LARP1: variants seen among roughly 807,000 people sequenced by gnomAD.
LARP1 encodes la-related protein 1.
LARP1 carries 36 observed loss-of-function variants against 122.7 expected under a neutral mutation model. The ratio of observed to expected loss-of-function variants is 0.29; its 90% CI spans 0.22 to 0.39. The LOEUF (loss-of-function observed/expected upper bound fraction) is 0.39. Among genes scored for constraint, LARP1 ranks in the 10% least tolerant of loss-of-function variants. LARP1 has a pLI of 1.00. For synonymous variants in LARP1, 539 were observed against 528.7 expected (o/e 1.02, Z -0.27); for missense variants, 1,040 against 1,403.6 (o/e 0.74, Z 4.14).
intron 1 of LARP1, among the ~76,000 whole-genome samples, chr5:154,763,236 A>G (rs763210959): frequency 2.2e-4 from 34 of 151,252 alleles, no homozygotes; most frequent in Middle Eastern, 3.4e-3. Flanking sequence ...AATTTTTTGT[A>G]TTTTTACTAG....
intron 1 of LARP1, among the ~76,000 whole-genome samples, chr5:154,688,745 G>C (rs1256400732): frequency 1.3e-5 from 2 of 151,332 alleles, no homozygotes; most frequent in African/African-American, 4.9e-5. Flanking sequence ...AGGATCTCTT[G>C]AGTCTGGAAG....
chr5:154,812,505 G>GCCCC (rs36105801), intron 18 of LARP1, among the ~76,000 whole-genome samples: 67 of 58,936 alleles, frequency 1.1e-3, no homozygotes, highest in African/African-American at 2.1e-3. Flanking sequence ...GGAAGTAAAA[G>GCCCC]CCCCCCCCCC....
At chr5:154,796,475 G>A (rs1408897577) in intron 8 of LARP1, among the ~76,000 whole-genome samples, 9 of 151,862 alleles carry the variant, frequency 5.9e-5, no homozygotes. Flanking sequence ...TTTCCACAGG[G>A]CACAGGGATG....
intron 1 of LARP1, chr5:154,685,899 C>G: frequency 2.0e-6 from 1 of 489,618 alleles, no homozygotes; most frequent in Non-Finnish European, 4.0e-6. Context: ...AGTGGGAGCC[C>G]TACTGCTAAT....
At chr5:154,795,039 G>T (rs1757637332) in intron 7 of LARP1, 136 bp from the exon 8 acceptor site, 2 of 797,622 alleles carry the variant, frequency 2.5e-6, no homozygotes, top group African/African-American at 1.7e-5. Flanking sequence ...CCTCAACACT[G>T]TTGGTATATA....
At chr5:154,693,811 G>C (rs57658062) in intron 1 of LARP1, among the ~76,000 whole-genome samples, 2 of 150,332 alleles carry the variant, frequency 1.3e-5, no homozygotes, top group African/African-American at 2.5e-5. Flanking sequence ...AGCCGAGATC[G>C]CGCCACTGCA....
intron 1 of LARP1, among the ~76,000 whole-genome samples, chr5:154,764,613 A>AC (rs953526077): frequency 5.4e-5 from 8 of 149,260 alleles, no homozygotes; most frequent in Non-Finnish European, 7.4e-5. Context: ...AAAAAAAAAA[A>AC]AAAAAAACTG....
intron 17 of LARP1, 31 bp from the exon 18 acceptor site, chr5:154,811,482 C>T (rs1402467763): frequency 1.2e-6 from 2 of 1,614,068 alleles, no homozygotes; most frequent in Admixed American, 1.7e-5. Flanking sequence ...TTATCCTCAC[C>T]AGCTCAGCTT....
intron 1 of LARP1, among the ~76,000 whole-genome samples, chr5:154,738,554 C>T (rs370999887): frequency 1.3e-5 from 2 of 151,812 alleles, no homozygotes; most frequent in South Asian, 2.1e-4. Context: ...ATCGGGCCAC[C>T]GCACTCCAGA....
At position 154,793,875 on chromosome 5, in the gene LARP1, C is replaced by T; in HGVS notation, c.944C>T (p.Ala315Val). 6.2e-7 allele frequency: 1 copy of T among 1,614,172 alleles called. No homozygotes were observed. Among genetic ancestry groups the T allele is most frequent in the Non-Finnish European group, 8.5e-7 (1 of 1,180,024 alleles). The change falls in exon 6 of 19, where the codon GCC (alanine) becomes GTC (valine). Residue 315 changes from alanine (A) to valine (V), a missense_variant. Ala to Val is a moderately conservative substitution (Grantham distance 64, BLOSUM62 0). This residue lies in a region of LARP1 where 178 missense variants were observed against 178.3 expected (regional missense o/e 1.00). Transcript: ENST00000518297. ...AWQPEIKPEP[A>V]WHDQDETSSV... is the part of the protein sequence containing the mutation. ...CAACCAGAGATCAAACCGGAGCCTG[C>T]CTGGCACGACCAGGATGAGACATCG...
At chr5:154,755,017 C>G (rs947860161), upstream of LARP1, among the ~76,000 whole-genome samples, 3 of 152,136 alleles carry the variant, frequency 2.0e-5, no homozygotes, top group Non-Finnish European at 4.4e-5. Context: ...CGCGCTGGCC[C>G]TTTAAGATAC....
At chr5:154,785,317 C>A (rs1756795378) in intron 1 of LARP1, among the ~76,000 whole-genome samples, 1 of 152,230 alleles carries the variant, frequency 6.6e-6, no homozygotes. Context: ...CAATTAATCA[C>A]CCCAAGAGTT....
At chr5:154,692,655 C>T (rs1487240273) in intron 1 of LARP1, among the ~76,000 whole-genome samples, 11 of 152,176 alleles carry the variant, frequency 7.2e-5, no homozygotes, top group Admixed American at 4.6e-4. Context: ...AAGAGTTCTT[C>T]GTCCTCTATC....
Position 154,755,679 on chromosome 5 carries a change from G to T in LARP1, c.-79G>T. 4.1e-6 allele frequency: 4 copies of T among 987,650 alleles called. No homozygotes were observed. Among genetic ancestry groups the T allele is most frequent in the Non-Finnish European group, 4.8e-6 (4 of 830,236 alleles). 61.2% of individuals were successfully genotyped at this position (987,650 alleles called of 1,614,324 possible). A position where few individuals can be genotyped will look rare whatever the true frequency, so the allele number is the denominator to read the frequency against. ...CCAGCGCCCCGGAGGAAGGCGTCGC[G>T]GGCGCTCTGCTAGCCAAGTTCGAGG... On this transcript the variant is annotated 5_prime_UTR_variant, in exon 1 of 19. Coordinates refer to ENST00000518297, the MANE Select transcript of LARP1 (RefSeq NM_033551.3).
intron 1 of LARP1, among the ~76,000 whole-genome samples, chr5:154,781,368 C>T (rs112607246): frequency 0.023 from 3,573 of 152,174 alleles, 130 homozygotes; most frequent in African/African-American, 0.081. Context: ...CCGAGGCGGG[C>T]GGATCACGAG....
upstream of LARP1, among the ~76,000 whole-genome samples, chr5:154,710,612 G>A (rs758386775): frequency 1.3e-5 from 2 of 151,782 alleles, no homozygotes; most frequent in East Asian, 3.9e-4. Flanking sequence ...GCATGGTGGC[G>A]TGCACCTATA....
chr5:154,701,245 G>A (rs192180491), intron 1 of LARP1, among the ~76,000 whole-genome samples: 131 of 152,198 alleles, frequency 8.6e-4, no homozygotes, highest in African/African-American at 3.1e-3. Context: ...GCTAAGTAAC[G>A]CCCCATTGCC....
intron 18 of LARP1, among the ~76,000 whole-genome samples, chr5:154,812,182 G>A (rs1021879223): frequency 3.9e-5 from 6 of 152,064 alleles, no homozygotes; most frequent in South Asian, 2.1e-4. Context: ...AGGGAAAGAG[G>A]CTCAGTTTTT....
chr5:154,687,384 G>GT (rs1753984067), intron 1 of LARP1, among the ~76,000 whole-genome samples: 1 of 151,990 alleles, frequency 6.6e-6, no homozygotes, highest in South Asian at 2.1e-4. Flanking sequence ...TTTGTGTGTT[G>GT]TGTGTGTGTG....
Sources: allele counts gnomAD v4.1 joint callset (sites outside exome capture counted in the v4.1 genomes callset), GRCh38; gene constraint gnomAD v4.1.1; regional missense constraint gnomAD v4.1.1; transcripts MANE v1.5; gene names NCBI Gene and HGNC (gene_info 2026-07-23, HGNC 2026-07-21).